TPTE2: variants seen among roughly 807,000 people sequenced by gnomAD.
TPTE2 encodes phosphatidylinositol 3,4,5-trisphosphate 3-phosphatase TPTE2.
In TPTE2, 53 loss-of-function variants were observed where a neutral mutation model predicts 78.6. That is an observed-to-expected ratio of 0.67 (90% confidence interval 0.54 to 0.85). TPTE2 has a LOEUF of 0.85. Among genes scored for constraint, TPTE2 ranks in the 40% least tolerant of loss-of-function variants. TPTE2 has a pLI of 0.00. For synonymous variants in TPTE2, 175 were observed against 206.2 expected, an observed-to-expected ratio of 0.85 and a Z score of 1.30; for missense variants, 461 against 623.0, an observed-to-expected ratio of 0.74 and a Z score of 2.77.
At chr13:19,438,705 G>C (rs1302212212) in intron 13 of TPTE2, among the ~76,000 whole-genome samples, 5 of 152,276 alleles carry the variant, frequency 3.3e-5, no homozygotes, top group South Asian at 4.1e-4. Context: ...CAGGCTTTTA[G>C]CATGCCTCAG....
the TPTE2 span, among the ~76,000 whole-genome samples, chr13:19,556,523 C>G: frequency 6.6e-6 from 1 of 152,032 alleles, no homozygotes. Flanking sequence ...CTATTATGTA[C>G]AACATTCTCC....
At chr13:19,537,997 GCTACAGAA>G (rs1242415017), upstream of TPTE2, among the ~76,000 whole-genome samples, 12 of 152,088 alleles carry the variant, frequency 7.9e-5, no homozygotes, top group African/African-American at 2.9e-4. Flanking sequence ...GGTACTTTTG[GCTACAGAA>G]GTTCTTTATA....
rs1593362100 is a variant in TPTE2, at chr13:19,449,974, A to T, written c.973+102T>A. On this transcript the variant is annotated intron_variant, in intron 13 of 19. Transcript: ENST00000400230. The stretch of plus-strand genomic sequence containing the variant: ...GGAGCTAATATTTAAAAATGCTAAC[A>T]ATTATTAATACATATTAATAGCAAT... 2.5e-6 allele frequency: 3 copies of T among 1,212,926 alleles called. No homozygotes were observed. The African/African-American group carries it at 4.6e-5, about 19-fold the overall frequency. The allele number at this position is 1,212,926 out of a possible 1,614,324, so 75.1% of individuals were successfully genotyped here.
intron 1 of TPTE2, among the ~76,000 whole-genome samples, chr13:19,495,470 C>T (rs533204471): frequency 5.9e-5 from 9 of 152,314 alleles, no homozygotes; most frequent in African/African-American, 2.2e-4. Context: ...CATAAAAAGC[C>T]TCCCTCTGTG....
At chr13:19,514,357 G>A (rs1869650319) in intron 1 of TPTE2, among the ~76,000 whole-genome samples, 1 of 152,066 alleles carries the variant, frequency 6.6e-6, no homozygotes, top group Non-Finnish European at 1.5e-5. Flanking sequence ...TCACCACTTA[G>A]ATCAGTCAAC....
intron 6 of TPTE2, 98 bp downstream of exon 9, chr13:19,473,816 G>T (rs954683059): frequency 7.3e-6 from 8 of 1,088,510 alleles, no homozygotes; most frequent in Non-Finnish European, 1.0e-5. Context: ...GGATTGTGTC[G>T]AACTCCTGAC....
the TPTE2 span, chr13:19,552,566 CT>C: frequency 1.2e-6 from 1 of 855,710 alleles, no homozygotes; most frequent in Non-Finnish European, 1.8e-6. Context: ...GAAATTAACA[CT>C]TACCTGCTTC....
the TPTE2 span, among the ~76,000 whole-genome samples, chr13:19,547,418 T>C: frequency 2.0e-5 from 3 of 152,212 alleles, no homozygotes; most frequent in Non-Finnish European, 4.4e-5. Flanking sequence ...ATAGGATTTT[T>C]ACATAATCGG....
rs190344963 is a variant in TPTE2 at position 19,443,097 on chromosome 13, T to A, written c.974-4944A>T. Among the ~76,000 whole-genome samples the A allele has an allele frequency of 1.3e-3, 204 of 152,150 alleles. 1 individual carries two copies. Among genetic ancestry groups the A allele is most frequent in the African/African-American group, 4.6e-3 (193 of 41,564 alleles). On this transcript the variant is annotated intron_variant, in intron 13 of 19. Coordinates refer to ENST00000400230, the Ensembl canonical transcript of TPTE2. ...GGAAAATTATAACCAATTGCCCAGA[T>A]GACATGAATTTGAAAATCCTAAACA...
At chr13:19,470,476 G>A (rs1366119936) in intron 6 of TPTE2, among the ~76,000 whole-genome samples, 1 of 151,914 alleles carries the variant, frequency 6.6e-6, no homozygotes, top group Non-Finnish European at 1.5e-5. Flanking sequence ...AGATATATTA[G>A]CATGTTTTTG....
intron 3 of TPTE2, among the ~76,000 whole-genome samples, chr13:19,490,417 G>C (rs1302339265): frequency 6.6e-6 from 1 of 152,006 alleles, no homozygotes; most frequent in African/African-American, 2.4e-5. Flanking sequence ...TTGAAACATG[G>C]TGTTTAATTT....
intron 13 of TPTE2, among the ~76,000 whole-genome samples, chr13:19,441,750 C>G (rs1311408699): frequency 4.6e-5 from 7 of 152,156 alleles, no homozygotes; most frequent in African/African-American, 1.7e-4. Context: ...TGGAATTAAA[C>G]AAAAATGCCC....
At chr13:19,468,496 C>T (rs1232046308) in intron 6 of TPTE2, among the ~76,000 whole-genome samples, 1 of 152,194 alleles carries the variant, frequency 6.6e-6, no homozygotes, top group Non-Finnish European at 1.5e-5. Flanking sequence ...GATATCTCTT[C>T]TATATACTGA....
chr13:19,516,099 G>T (rs1400639314), intron 1 of TPTE2, among the ~76,000 whole-genome samples: 1 of 152,234 alleles, frequency 6.6e-6, no homozygotes, highest in African/African-American at 2.4e-5. Context: ...CTAAACTGAA[G>T]TGGTCATGCA....
chr13:19,464,725 T>C (rs1879153468), intron 9 of TPTE2, among the ~76,000 whole-genome samples: 1 of 152,252 alleles, frequency 6.6e-6, no homozygotes. Flanking sequence ...CATGGAGTTC[T>C]TAAGTCTCCA....
upstream of TPTE2, among the ~76,000 whole-genome samples, chr13:19,506,833 C>G (rs1214739406): frequency 6.6e-6 from 1 of 152,150 alleles, no homozygotes; most frequent in Non-Finnish European, 1.5e-5. Flanking sequence ...TTTGTTAAAG[C>G]AGCCCTAGAA....
intron 4 of TPTE2, among the ~76,000 whole-genome samples, chr13:19,476,894 A>G (rs1341885562): frequency 6.6e-6 from 1 of 152,222 alleles, no homozygotes; most frequent in Non-Finnish European, 1.5e-5. Context: ...TCATTCTACT[A>G]TAAAGATACA....
chr13:19,436,889 C>G (rs926575730), intron 14 of TPTE2, among the ~76,000 whole-genome samples: 1 of 152,136 alleles, frequency 6.6e-6, no homozygotes, highest in Non-Finnish European at 1.5e-5. Flanking sequence ...ACCAAGCAAC[C>G]TGCCAAGGAG....
chr13:19,538,590 G>A (rs759040599), upstream of TPTE2, among the ~76,000 whole-genome samples: 1 of 150,830 alleles, frequency 6.6e-6, no homozygotes. Flanking sequence ...GTGCAGTGGC[G>A]CGATCTTGGC....
Sources: gnomAD v4.1 joint callset for allele counts (sites outside exome capture counted in the v4.1 genomes callset) on GRCh38, gnomAD v4.1.1 for gene constraint, MANE v1.5 for transcripts, NCBI Gene and HGNC (gene_info 2026-07-23, HGNC 2026-07-21) for gene names.